Variants in INPP5F observed in about 807,000 individuals in gnomAD.
INPP5F encodes phosphatidylinositide 4-phosphatase SAC2.
Under a neutral mutation model 137.2 loss-of-function variants are expected in INPP5F, and 97 were observed. That is an observed-to-expected ratio of 0.71 (90% CI 0.60 to 0.84). The LOEUF (loss-of-function observed/expected upper bound fraction) is 0.84. INPP5F is among the 40% of genes least tolerant of loss of function. The pLI, the probability that INPP5F is intolerant of heterozygous loss-of-function variation, is 0.00. For synonymous variants in INPP5F, 504 were observed against 476.9 expected, an observed-to-expected ratio of 1.06 and a Z score of -0.74; for missense variants, 1,271 against 1,371.9, an observed-to-expected ratio of 0.93 and a Z score of 1.16.
At chr10:119,796,474 G>T (rs1850389538) in intron 6 of INPP5F, among the ~76,000 whole-genome samples, 1 of 152,188 alleles carries the variant, frequency 6.6e-6, no homozygotes, top group Admixed American at 6.5e-5. Context: ...GTTAATAAAT[G>T]GTGAGCTTGG....
At chr10:119,754,841 A>G (rs867982624) in intron 2 of INPP5F, among the ~76,000 whole-genome samples, 9 of 152,108 alleles carry the variant, frequency 5.9e-5, no homozygotes, top group Admixed American at 1.3e-4. Context: ...GCCCTGGGTC[A>G]GATTGGCTAG....
chr10:119,771,843 G>GATAT (rs1564819539), intron 2 of INPP5F, among the ~76,000 whole-genome samples: 47 of 40,882 alleles, frequency 1.1e-3, no homozygotes, highest in Non-Finnish European at 1.9e-3. Context: ...ATAAAGTATG[G>GATAT]AGATATATAT....
rs146095321 is a variant in INPP5F at position 119,772,950 on chromosome 10, G to T, written c.179-8685G>T. Among the ~76,000 whole-genome samples, 217 of 152,102 alleles carry T rather than the reference G, an allele frequency of 1.4e-3. 5 individuals are homozygous for T. The East Asian group carries it at 0.025, about 17-fold the overall frequency. On this transcript the variant is annotated intron_variant, in intron 2 of 19. Coordinates refer to ENST00000650623, the MANE Select transcript of INPP5F (RefSeq NM_014937.4). ...TTTTTAATAGAGATGGGGTTTCACT[G>T]TGTTGGCCAGGATGGTCTTGAATTC...
chr10:119,775,273 T>A (rs1285608928), intron 2 of INPP5F, among the ~76,000 whole-genome samples: 1 of 152,180 alleles, frequency 6.6e-6, no homozygotes, highest in African/African-American at 2.4e-5. Flanking sequence ...TTTCTTTTTT[T>A]GAGGCAGCAT....
At chr10:119,790,421 G>C (rs754687379) in intron 3 of INPP5F, among the ~76,000 whole-genome samples, 4 of 152,128 alleles carry the variant, frequency 2.6e-5, no homozygotes, top group Non-Finnish European at 5.9e-5. Context: ...TGTAATCATG[G>C]TGTGAAACCT....
intron 1 of INPP5F, among the ~76,000 whole-genome samples, chr10:119,736,257 T>A (rs1432789635): frequency 6.6e-6 from 1 of 152,248 alleles, no homozygotes; most frequent in Non-Finnish European, 1.5e-5. Flanking sequence ...TGGTTGTTAC[T>A]TTCAGGTTCT....
chr10:119,814,794 C>A (rs1028229294), intron 15 of INPP5F, among the ~76,000 whole-genome samples: 2 of 152,202 alleles, frequency 1.3e-5, no homozygotes, highest in Non-Finnish European at 2.9e-5. Context: ...TGCAGCTGCC[C>A]CACTGTGGGT....
intron 15 of INPP5F, among the ~76,000 whole-genome samples, chr10:119,814,201 C>T (rs1044162349): frequency 3.3e-5 from 5 of 151,968 alleles, no homozygotes; most frequent in Admixed American, 3.3e-4. Flanking sequence ...ACCAGCCTGA[C>T]CAACATGGAG....
In INPP5F at chr10:119,826,930, AC is replaced by A. The variant is rs758730588; in HGVS notation, c.2550del (p.Asp850GlufsTer26). The A allele has an allele frequency of 6.2e-7, 1 of 1,613,988 alleles. No homozygotes were observed. Among genetic ancestry groups the A allele is most frequent in the South Asian group, 1.1e-5 (1 of 91,090 alleles). ...MDKVQAESDG[D>X]MSSDNDSYHS... Reference sequence around the variant, plus strand: ...AAGGTTCAGGCAGAGTCTGATGGGGACATGTCTTCAGATAATGACTCATACC... The same window carrying A: ...AAGGTTCAGGCAGAGTCTGATGGGGAATGTCTTCAGATAATGACTCATACC... On this transcript the variant is annotated frameshift_variant, in exon 20 of 20. Transcript: ENST00000650623. LOFTEE classifies it high-confidence loss of function.
intron 2 of INPP5F, among the ~76,000 whole-genome samples, chr10:119,768,897 T>G (rs1849256168): frequency 6.6e-6 from 1 of 152,222 alleles, no homozygotes; most frequent in African/African-American, 2.4e-5. Context: ...TTGTATGCTG[T>G]GAACATAAGT....
chr10:119,726,227 C>A lies in INPP5F; in HGVS notation c.-36C>A. 7.3e-7 allele frequency: 1 copy of A among 1,376,534 alleles called. No homozygotes were observed. The highest frequency in any genetic ancestry group is 9.5e-7 in the Non-Finnish European group (1 of 1,048,618). The allele number at this position is 1,376,534 out of a possible 1,614,324, so 85.3% of individuals were successfully genotyped here. A position where few individuals can be genotyped will look rare whatever the true frequency, so the allele number is the denominator to read the frequency against. ...CGACTAGGACGCCCCGTGCGCCGCC[C>A]GCGGGCCGCCGCCTCCCTGGGCGCG... is the stretch of plus-strand genomic sequence containing the variant. On this transcript the variant is annotated 5_prime_UTR_variant, in exon 1 of 20. Transcript: ENST00000650623.
rs35875262 is a variant in INPP5F, at chr10:119,767,107, G to GAAAA, written c.179-14505_179-14502dup. Among the ~76,000 whole-genome samples the GAAAA allele has an allele frequency of 2.7e-3, 108 of 40,540 alleles. 14 individuals carry two copies. Among genetic ancestry groups the GAAAA allele is most frequent in the Non-Finnish European group, 3.8e-3 (95 of 24,986 alleles). The allele number at this position is 40,540 out of a possible 152,430, so 26.6% of individuals were successfully genotyped here. A position where few individuals can be genotyped will look rare whatever the true frequency, so the allele number is the denominator to read the frequency against. ...GCAACAGAGTGAGACTCTGTCTCCA[G>GAAAA]AAAAAAAAAAAAAAAAAAAAAAAAA... On this transcript the variant is annotated intron_variant, in intron 2 of 19. Coordinates refer to ENST00000650623, the MANE Select transcript of INPP5F (RefSeq NM_014937.4).
chr10:119,808,148 C>T, intron 13 of INPP5F, 88 bp downstream of exon 13: 1 of 1,459,078 alleles, frequency 6.9e-7, no homozygotes. Flanking sequence ...GTGTGGGTTC[C>T]AGATTGCAGA....
chr10:119,823,314 G>A (rs561826514), intron 18 of INPP5F, 115 bp downstream of exon 18: 310 of 982,034 alleles, frequency 3.2e-4, no homozygotes, highest in Middle Eastern at 3.0e-3. Flanking sequence ...GAGGGTCCAG[G>A]GAATAGCTTT....
chr10:119,817,990 A>G lies in INPP5F; in HGVS notation c.1887-2856A>G, dbSNP rs145934161. Among the ~76,000 whole-genome samples the G allele has an allele frequency of 6.2e-4, 94 of 152,398 alleles. No individual in the cohort carries two copies. The East Asian group carries it at 0.016, about 26-fold the overall frequency. Reference sequence around the variant, plus strand: ...ACAGGCAAGCATTCTGGAAATGCGCAGTCCCAGCAGGGAAGTAGGCCTGGC... The same window carrying G: ...ACAGGCAAGCATTCTGGAAATGCGCGGTCCCAGCAGGGAAGTAGGCCTGGC... On this transcript the variant is annotated intron_variant, in intron 15 of 19. Coordinates refer to ENST00000650623, the MANE Select transcript of INPP5F (RefSeq NM_014937.4).
Position 119,752,720 on chromosome 10 carries a change from G to A in INPP5F, c.178+1564G>A, listed in dbSNP as rs755572912. On this transcript the variant is annotated intron_variant, in intron 2 of 19. Transcript: ENST00000650623. ...TGAATTTTGTATTCCCTTGGTTTTC[G>A]TTTTTGCTTTTATTATATAGGTATT... Among the ~76,000 whole-genome samples, 102 of 151,390 alleles carry A rather than the reference G, an allele frequency of 6.7e-4. 1 individual carries two copies. Among genetic ancestry groups the A allele is most frequent in the Admixed American group, 4.6e-4 (7 of 15,178 alleles).
At chr10:119,800,577 A>C (rs1850552128) in intron 9 of INPP5F, among the ~76,000 whole-genome samples, 2 of 151,650 alleles carry the variant, frequency 1.3e-5, no homozygotes, top group African/African-American at 2.4e-5. Context: ...ACAAAAACCA[A>C]AAAAACCTAA....
At chr10:119,815,273 A>G (rs999850240) in intron 15 of INPP5F, 4 of 152,628 alleles carry the variant, frequency 2.6e-5, no homozygotes, top group African/African-American at 9.6e-5. Context: ...AGATGTTGCT[A>G]AACAGTGTTT....
At chr10:119,808,193 T>A in intron 13 of INPP5F, 133 bp downstream of exon 13, 1 of 1,076,100 alleles carries the variant, frequency 9.3e-7, no homozygotes, top group Non-Finnish European at 1.3e-6. Context: ...AATGGTTGGC[T>A]AAGGCAGGGC....
Sources: allele counts gnomAD v4.1 joint callset (sites outside exome capture counted in the v4.1 genomes callset), GRCh38; gene constraint gnomAD v4.1.1; transcripts MANE v1.5; gene names NCBI Gene and HGNC (gene_info 2026-07-23, HGNC 2026-07-21).